Variants in DAB1 observed in about 807,000 individuals in gnomAD.
DAB1 encodes the protein DAB adaptor protein 1.
Under a neutral mutation model 64.6 loss-of-function variants are expected in DAB1, and 15 were observed. That is an observed-to-expected ratio of 0.23 (90% CI 0.16 to 0.36). The LOEUF (loss-of-function observed/expected upper bound fraction) is 0.36. DAB1 is among the 10% of genes least tolerant of loss of function. DAB1 has a pLI of 1.00. For synonymous variants in DAB1, 235 were observed against 251.9 expected (o/e 0.93, Z 0.64); for missense variants, 596 against 706.7 (o/e 0.84, Z 1.78).
In DAB1 at chr1:57,069,344, G is replaced by A. The variant is rs1651232807; in HGVS notation, c.663+16C>T. The A allele has an allele frequency of 6.2e-7, 1 of 1,607,578 alleles. No individual in the cohort carries two copies. Among genetic ancestry groups the A allele is most frequent in the East Asian group, 2.2e-5 (1 of 44,824 alleles). ...TAGTAGTGGTGCAATGGTAAGAGAG[G>A]CAAGCAATTTTATACCTGATAAATG... is the stretch of plus-strand genomic sequence containing the variant. On this transcript the variant is annotated intron_variant, in intron 8 of 14. Transcript: ENST00000371236.
chr1:58,378,979 A>G (rs12035888), intron 3 of DAB1, among the ~76,000 whole-genome samples: 12,305 of 139,688 alleles, frequency 0.088, 185 homozygotes, highest in Middle Eastern at 0.13. Flanking sequence ...TGACTCGGAA[A>G]GGGAACTCCC....
At chr1:58,490,997 C>T (rs1485959357) in intron 3 of DAB1, among the ~76,000 whole-genome samples, 3 of 151,278 alleles carry the variant, frequency 2.0e-5, no homozygotes, top group Admixed American at 2.0e-4. Flanking sequence ...TTAGTAGAGA[C>T]GGGGTTTCAC....
chr1:57,429,461 G>A (rs2101111692), intron 7 of DAB1, among the ~76,000 whole-genome samples: 1 of 152,064 alleles, frequency 6.6e-6, no homozygotes, highest in Non-Finnish European at 1.5e-5. Context: ...TTTTTTGATG[G>A]TTTCCTTTGC....
At chr1:58,505,055 C>T (rs1221008713) in intron 3 of DAB1, among the ~76,000 whole-genome samples, 1 of 152,058 alleles carries the variant, frequency 6.6e-6, no homozygotes, top group Non-Finnish European at 1.5e-5. Flanking sequence ...AGGGTTCAAG[C>T]GATTCCCCTG....
chr1:58,312,844 A>G (rs1449226990), intron 4 of DAB1, among the ~76,000 whole-genome samples: 1 of 152,166 alleles, frequency 6.6e-6, no homozygotes, highest in Non-Finnish European at 1.5e-5. Flanking sequence ...CTCATTTTGC[A>G]AGATAGCGTT....
At chr1:58,302,335 T>C (rs549723741) in intron 4 of DAB1, among the ~76,000 whole-genome samples, 56 of 152,194 alleles carry the variant, frequency 3.7e-4, no homozygotes, top group Admixed American at 1.0e-3. Context: ...ATGGTGTTTA[T>C]GAGCCCTAAC....
intron 2 of DAB1, among the ~76,000 whole-genome samples, chr1:57,256,843 G>A (rs1420173042): frequency 2.0e-5 from 3 of 152,196 alleles, no homozygotes; most frequent in Non-Finnish European, 4.4e-5. Context: ...AGACTTCCTG[G>A]ACTAGCTGGC....
rs569444335 is a variant in DAB1, at chr1:57,685,979, T to A, written n.552-36314A>T. On this transcript the variant is annotated intron_variant and non_coding_transcript_variant, in intron 6 of 20. Transcript: ENST00000485760. ...AGTTAGAAAGATCTCAAAATAACAA[T>A]CTAACTTTTCACCTAGAGGAATTAG... Among the ~76,000 whole-genome samples the A allele has an allele frequency of 4.0e-5, 6 of 151,814 alleles. No individual in the cohort carries two copies. In the East Asian group the frequency reaches 1.2e-3, roughly 29 times the overall value.
At chr1:58,186,512 G>A (rs1318233624) in intron 4 of DAB1, among the ~76,000 whole-genome samples, 1 of 152,126 alleles carries the variant, frequency 6.6e-6, no homozygotes, top group Non-Finnish European at 1.5e-5. Flanking sequence ...AGAAAATTAT[G>A]TTCAATAACT....
At chr1:57,506,277 C>G (rs1644342581) in intron 7 of DAB1, among the ~76,000 whole-genome samples, 1 of 151,530 alleles carries the variant, frequency 6.6e-6, no homozygotes, top group Non-Finnish European at 1.5e-5. Flanking sequence ...AAGAACTGAT[C>G]ATCTGGTTTT....
upstream of DAB1, among the ~76,000 whole-genome samples, chr1:57,887,412 T>C (rs1471184361): frequency 6.6e-6 from 1 of 152,212 alleles, no homozygotes; most frequent in Non-Finnish European, 1.5e-5. Flanking sequence ...ACCCGAATGA[T>C]AACAGAAGTC....
At chr1:57,957,740 G>A (rs1645424268) in intron 5 of DAB1, among the ~76,000 whole-genome samples, 1 of 152,136 alleles carries the variant, frequency 6.6e-6, no homozygotes, top group African/African-American at 2.4e-5. Context: ...AACCTCTGAT[G>A]GAATTGCAAC....
intron 4 of DAB1, among the ~76,000 whole-genome samples, chr1:57,091,119 C>T (rs1423875110): frequency 6.6e-6 from 1 of 152,134 alleles, no homozygotes; most frequent in Non-Finnish European, 1.5e-5. Flanking sequence ...TTGCCACATC[C>T]CCTTGTTGCC....
intron 3 of DAB1, among the ~76,000 whole-genome samples, chr1:58,461,287 T>C (rs1404840699): frequency 6.6e-6 from 1 of 152,212 alleles, no homozygotes; most frequent in Non-Finnish European, 1.5e-5. Context: ...ACATTGGTAC[T>C]AGAAGCTCAA....
intron 7 of DAB1, among the ~76,000 whole-genome samples, chr1:57,441,432 T>C (rs931059789): frequency 6.6e-6 from 1 of 151,838 alleles, no homozygotes; most frequent in Non-Finnish European, 1.5e-5. Context: ...CATAGCTCAT[T>C]GCACTCTCAA....
chr1:57,710,798 G>A (rs926629707), intron 6 of DAB1, among the ~76,000 whole-genome samples: 1 of 152,078 alleles, frequency 6.6e-6, no homozygotes, highest in Non-Finnish European at 1.5e-5. Context: ...GGCCAGCCAC[G>A]ACACATGGAA....
rs566024413 is a variant in DAB1, at chr1:58,021,337, A to G, written n.387+129174T>C. Among the ~76,000 whole-genome samples, 210 of 152,282 alleles carry G rather than the reference A, an allele frequency of 1.4e-3. 1 individual carries two copies. Among genetic ancestry groups the G allele is most frequent in the Non-Finnish European group, 2.4e-3 (165 of 68,012 alleles). Reference sequence around the variant, plus strand: ...TATTCTAAATGCTTATTATAGATTGACTCATTTAATTCTTAATAATAACTG... The same window carrying G: ...TATTCTAAATGCTTATTATAGATTGGCTCATTTAATTCTTAATAATAACTG... On this transcript the variant is annotated intron_variant and non_coding_transcript_variant, in intron 5 of 20. Transcript: ENST00000485760.
chr1:57,267,953 A>G (rs1670714285), intron 2 of DAB1, among the ~76,000 whole-genome samples: 2 of 152,028 alleles, frequency 1.3e-5, no homozygotes, highest in African/African-American at 4.8e-5. Context: ...AGCCATTCCA[A>G]CTCCCCACAG....
At chr1:57,433,325 C>T (rs74074987) in intron 7 of DAB1, among the ~76,000 whole-genome samples, 3,008 of 152,062 alleles carry the variant, frequency 0.02, 94 homozygotes, top group African/African-American at 0.069. Context: ...CTAGAAAGCT[C>T]TAGTAATCAA....
Sources: gnomAD v4.1 joint callset for allele counts (sites outside exome capture counted in the v4.1 genomes callset) on GRCh38, gnomAD v4.1.1 for gene constraint, MANE v1.5 for transcripts, NCBI Gene and HGNC (gene_info 2026-07-23, HGNC 2026-07-21) for gene names.